POLN: variants seen among roughly 807,000 people sequenced by gnomAD.
POLN encodes the protein DNA polymerase nu.
A neutral mutation model predicts 113.5 loss-of-function variants in POLN; 108 were observed. The ratio of observed to expected loss-of-function variants is 0.95; its 90% confidence interval spans 0.81 to 1.12. The LOEUF (loss-of-function observed/expected upper bound fraction) is 1.12, where lower values mean the gene tolerates loss of function less well. Ranked by LOEUF, POLN falls within the 50% of genes most tolerant of loss-of-function variation. The pLI is 0.00. For synonymous variants in POLN, 386 were observed against 391.5 expected, an observed-to-expected ratio of 0.99 and a Z score of 0.17; for missense variants, 1,097 against 1,077.1, an observed-to-expected ratio of 1.02 and a Z score of -0.26.
chr4:2,156,898 G>A (rs754386806), intron 15 of POLN, 45 bp from the exon 16 acceptor site: 2 of 1,489,030 alleles, frequency 1.3e-6, no homozygotes, highest in South Asian at 2.3e-5. Flanking sequence ...GCAATGCTAT[G>A]TGAAGTTAAG....
chr4:2,083,100 C>G (rs1730460362), intron 21 of POLN: 1 of 152,192 alleles, frequency 6.6e-6, no homozygotes, highest in Non-Finnish European at 1.5e-5. Flanking sequence ...GATTACTGCT[C>G]CCAGCAATTT....
intron 7 of POLN, among the ~76,000 whole-genome samples, chr4:2,182,084 C>T (rs1040918301): frequency 6.6e-6 from 1 of 151,684 alleles, no homozygotes; most frequent in African/African-American, 2.4e-5. Context: ...AATAGACCTA[C>T]AGATCAGTGG....
rs140813398 is a variant in POLN at position 2,072,402 on chromosome 4, C to T, written c.2518-103G>A. On this transcript the variant is annotated intron_variant, in intron 25 of 25. Transcript: ENST00000511885. ...ACAGGGCCTACAGCACACAGGTGCA[C>T]ACATCCAGATACATGATCAGACAGC... is the stretch of plus-strand genomic sequence containing the variant. 3.2e-4 allele frequency: 314 copies of T among 983,218 alleles called. 1 individual carries two copies. In the African/African-American group the frequency reaches 4.2e-3, roughly 13 times the overall value. The allele number at this position is 983,218 out of a possible 1,614,324, so 60.9% of individuals were successfully genotyped here.
chr4:2,220,263 C>T (rs552955432), intron 3 of POLN, among the ~76,000 whole-genome samples: 1 of 152,166 alleles, frequency 6.6e-6, no homozygotes, highest in Admixed American at 6.5e-5. Context: ...GCTTTCCTTT[C>T]TTCTTGCTCC....
intron 4 of POLN, among the ~76,000 whole-genome samples, chr4:2,210,432 T>A (rs557986675): frequency 6.0e-5 from 9 of 150,682 alleles, no homozygotes; most frequent in African/African-American, 1.7e-4. Context: ...AATACAAAAA[T>A]TAGCTGGGCA....
chr4:2,134,974 C>T (rs958336227), intron 16 of POLN, among the ~76,000 whole-genome samples: 9 of 152,178 alleles, frequency 5.9e-5, no homozygotes, highest in South Asian at 2.1e-4. Context: ...GCCTTGTGCA[C>T]GCATCCCCCC....
At chr4:2,090,058 C>G in intron 20 of POLN, 2 of 895,992 alleles carry the variant, frequency 2.2e-6, no homozygotes, top group Non-Finnish European at 3.6e-6. Context: ...ATGAGATAAT[C>G]CATATTTTCC....
At chr4:2,225,265 T>C (rs1208740529) in intron 3 of POLN, among the ~76,000 whole-genome samples, 5 of 152,052 alleles carry the variant, frequency 3.3e-5, no homozygotes, top group Admixed American at 6.6e-5. Flanking sequence ...ACTATGTATG[T>C]ATGCATGTAT....
intron 3 of POLN, among the ~76,000 whole-genome samples, chr4:2,215,855 C>T (rs1397913026): frequency 2.0e-5 from 3 of 152,168 alleles, no homozygotes; most frequent in African/African-American, 7.2e-5. Flanking sequence ...TTGCAAATTA[C>T]ATTCATCTCC....
chr4:2,140,246 T>A (rs1731965189), intron 16 of POLN, among the ~76,000 whole-genome samples: 1 of 151,938 alleles, frequency 6.6e-6, no homozygotes, highest in Non-Finnish European at 1.5e-5. Flanking sequence ...CCTGGCTAAT[T>A]TTTCTCTTTT....
intron 3 of POLN, 133 bp downstream of exon 3, chr4:2,228,966 G>C: frequency 1.2e-6 from 1 of 801,770 alleles, no homozygotes; most frequent in Non-Finnish European, 1.9e-6. Flanking sequence ...AGCTCAGTCT[G>C]CACTGAATGA....
intron 16 of POLN, among the ~76,000 whole-genome samples, chr4:2,132,242 G>A (rs772500467): frequency 6.6e-6 from 1 of 152,114 alleles, no homozygotes; most frequent in African/African-American, 2.4e-5. Flanking sequence ...TAATAGTGTA[G>A]AGATGACAGA....
chr4:2,169,459 G>A (rs973033059), intron 13 of POLN, among the ~76,000 whole-genome samples: 1 of 152,126 alleles, frequency 6.6e-6, no homozygotes, highest in African/African-American at 2.4e-5. Flanking sequence ...GAGGCGGAAG[G>A]AAAGTCAAGG....
chr4:2,230,605 T>A (rs1439875178), intron 2 of POLN: 1 of 152,026 alleles, frequency 6.6e-6, no homozygotes, highest in African/African-American at 2.4e-5. Context: ...TTTTGTTCAA[T>A]GGGTTTCAAA....
chr4:2,125,463 C>T (rs1561014415), intron 19 of POLN, among the ~76,000 whole-genome samples: 1 of 152,144 alleles, frequency 6.6e-6, no homozygotes, highest in Non-Finnish European at 1.5e-5. Context: ...TCAAAAAAGT[C>T]TGGAGCAACA....
intron 19 of POLN, 24 bp downstream of exon 19, chr4:2,128,089 A>G: frequency 7.1e-7 from 1 of 1,413,616 alleles, no homozygotes; most frequent in South Asian, 1.2e-5. Context: ...AGATCTGATA[A>G]TATTGTGAGT....
chr4:2,112,858 C>G (rs1408405320), intron 19 of POLN, among the ~76,000 whole-genome samples: 1 of 152,110 alleles, frequency 6.6e-6, no homozygotes, highest in Non-Finnish European at 1.5e-5. Flanking sequence ...ACTAGAAATA[C>G]CATTTGACCC....
chr4:2,197,371 G>C (rs1267923723), intron 6 of POLN, among the ~76,000 whole-genome samples: 1 of 152,194 alleles, frequency 6.6e-6, no homozygotes, highest in African/African-American at 2.4e-5. Context: ...GAGCCAATAG[G>C]ACTTGCTGAG....
intron 16 of POLN, among the ~76,000 whole-genome samples, chr4:2,146,994 C>A (rs1026500691): frequency 1.3e-5 from 2 of 152,134 alleles, no homozygotes; most frequent in Non-Finnish European, 2.9e-5. Flanking sequence ...GAAAGACTCA[C>A]CAACCAAGAA....
Sources: allele counts gnomAD v4.1 joint callset (sites outside exome capture counted in the v4.1 genomes callset), GRCh38; gene constraint gnomAD v4.1.1; transcripts MANE v1.5; gene names NCBI Gene and HGNC (gene_info 2026-07-23, HGNC 2026-07-21).